LRRC36: variants seen among roughly 807,000 people sequenced by gnomAD.
LRRC36 encodes leucine-rich repeat-containing protein 36.
Under a neutral mutation model 81.1 loss-of-function variants are expected in LRRC36, and 62 were observed. That is an observed-to-expected ratio of 0.76 (90% CI 0.62 to 0.94). The LOEUF is 0.94. Among genes scored for constraint, LRRC36 ranks in the 40% least tolerant of loss-of-function variants. The pLI, the probability that LRRC36 is intolerant of heterozygous loss-of-function variation, is 0.00. For synonymous variants in LRRC36, 334 were observed against 348.6 expected (o/e 0.96, Z 0.47); for missense variants, 761 against 881.7 (o/e 0.86, Z 1.73).
intron 1 of LRRC36, 107 bp from the exon 2 acceptor site, chr16:67,341,850 A>G: frequency 1.4e-6 from 1 of 724,428 alleles, no homozygotes; most frequent in South Asian, 2.8e-5. Flanking sequence ...GCTTGGATGT[A>G]GGGCCTTGCA....
At chr16:67,373,275 G>A (rs1441596309) in intron 9 of LRRC36, among the ~76,000 whole-genome samples, 1 of 151,798 alleles carries the variant, frequency 6.6e-6, no homozygotes, top group Non-Finnish European at 1.5e-5. Flanking sequence ...CTTTTTTTCT[G>A]TTAGACATTA....
At chr16:67,352,462 T>C (rs1483523790) in intron 5 of LRRC36, among the ~76,000 whole-genome samples, 1 of 152,170 alleles carries the variant, frequency 6.6e-6, no homozygotes, top group East Asian at 1.9e-4. Context: ...CTCCACTGTC[T>C]TGGATCCTCC....
Position 67,375,432 on chromosome 16 carries a change from G to A in LRRC36, c.1660+20G>A. ...TTCTCGGTGAGTGAATGCATTCTCT[G>A]TCCTTGGACAGGAGTTGGACTTTTC... On this transcript the variant is annotated intron_variant, in intron 10 of 13. Transcript: ENST00000329956. The A allele has an allele frequency of 1.9e-6, 3 of 1,555,120 alleles. No homozygotes were observed. The highest frequency in any genetic ancestry group is 2.6e-6 in the Non-Finnish European group (3 of 1,159,496).
At chr16:67,339,564 T>C (rs1036435247) in intron 1 of LRRC36, among the ~76,000 whole-genome samples, 2 of 152,236 alleles carry the variant, frequency 1.3e-5, no homozygotes, top group South Asian at 2.1e-4. Context: ...TGTGGCTCTT[T>C]AAGTGCAGTT....
chr16:67,373,489 C>T (rs976927721), intron 9 of LRRC36, among the ~76,000 whole-genome samples: 1 of 150,526 alleles, frequency 6.6e-6, no homozygotes, highest in Admixed American at 6.6e-5. Context: ...GGCAGATCAC[C>T]TGAAGTCAGG....
chr16:67,346,796 G>C (rs1597447444), intron 3 of LRRC36, among the ~76,000 whole-genome samples: 1 of 152,188 alleles, frequency 6.6e-6, no homozygotes, highest in East Asian at 1.9e-4. Flanking sequence ...TTATTTGGGG[G>C]CTTAGTTGGG....
chr16:67,336,895 G>A (rs2037790150), intron 1 of LRRC36, among the ~76,000 whole-genome samples: 1 of 151,832 alleles, frequency 6.6e-6, no homozygotes, highest in African/African-American at 2.4e-5. Context: ...AGCCTACCAA[G>A]TAGCTAGGAC....
At chr16:67,329,734 A>G (rs1209043889) in intron 1 of LRRC36, among the ~76,000 whole-genome samples, 1 of 151,998 alleles carries the variant, frequency 6.6e-6, no homozygotes, top group African/African-American at 2.4e-5. Flanking sequence ...CCAGGCCAAC[A>G]TGGTGAAACC....
At chr16:67,360,056 C>T (rs530382064) in intron 5 of LRRC36, among the ~76,000 whole-genome samples, 6 of 150,522 alleles carry the variant, frequency 4.0e-5, no homozygotes, top group Non-Finnish European at 7.4e-5. Flanking sequence ...AGCCGGGAGG[C>T]GGAGGTTGCA....
chr16:67,360,566 C>T (rs761046974), intron 5 of LRRC36, among the ~76,000 whole-genome samples: 38 of 152,216 alleles, frequency 2.5e-4, no homozygotes, highest in Non-Finnish European at 5.6e-4. Flanking sequence ...TTCTGTAGTA[C>T]TACTGCAGTG....
At chr16:67,370,898 A>G (rs780799094) in intron 8 of LRRC36, 46 bp from the exon 9 acceptor site, 8 of 1,532,028 alleles carry the variant, frequency 5.2e-6, no homozygotes, top group Middle Eastern at 1.7e-4. Flanking sequence ...GTGAGACATG[A>G]GGCAGTCAGA....
In LRRC36 at chr16:67,336,229, TC is replaced by T. The variant is rs544500470; in HGVS notation, c.71-5726del. On this transcript the variant is annotated intron_variant, in intron 1 of 13. Transcript: ENST00000329956. Reference sequence around the variant, plus strand: ...CTGTGGATGTACCATTGTTTGCTTATCCATTTACCTATTGAAGGACATCTTG... The same window carrying T: ...CTGTGGATGTACCATTGTTTGCTTATCATTTACCTATTGAAGGACATCTTG... 2.6e-3 allele frequency among the ~76,000 whole-genome samples: 391 copies of T among 152,366 alleles called. 6 individuals are homozygous for T. Among genetic ancestry groups the T allele is most frequent in the African/African-American group, 9.1e-3 (379 of 41,586 alleles).
intron 9 of LRRC36, chr16:67,371,632 G>T: frequency 3.6e-6 from 1 of 277,968 alleles, no homozygotes. Context: ...AGCACTTTGG[G>T]AGGCTGAGTG....
intron 7 of LRRC36, 28 bp downstream of exon 7, chr16:67,365,383 T>C (rs994639879): frequency 3.1e-6 from 5 of 1,594,126 alleles, no homozygotes; most frequent in South Asian, 2.2e-5. Flanking sequence ...TGAGTATTTT[T>C]CCCCCACACT....
intron 1 of LRRC36, among the ~76,000 whole-genome samples, chr16:67,331,988 CAA>C (rs909058321): frequency 1.5e-5 from 2 of 129,098 alleles, no homozygotes. Flanking sequence ...AACTCCATCT[CAA>C]AAAAAAAAAG....
intron 9 of LRRC36, among the ~76,000 whole-genome samples, chr16:67,373,971 C>A (rs370109864): frequency 6.6e-6 from 1 of 151,940 alleles, no homozygotes; most frequent in Non-Finnish European, 1.5e-5. Context: ...TGAGATCATG[C>A]GACTACAGTC....
chr16:67,375,108 C>A, intron 9 of LRRC36, 139 bp from the exon 10 acceptor site: 1 of 870,812 alleles, frequency 1.1e-6, no homozygotes, highest in South Asian at 1.7e-5. Flanking sequence ...GCCTGGGTGA[C>A]AGAGCGAGAC....
chr16:67,328,330 T>G (rs918644164), intron 1 of LRRC36, among the ~76,000 whole-genome samples: 4 of 151,950 alleles, frequency 2.6e-5, no homozygotes, highest in African/African-American at 4.8e-5. Flanking sequence ...GCTAACACAG[T>G]GAAACCCCGT....
chr16:67,345,134 A>G (rs1472180301), intron 2 of LRRC36, among the ~76,000 whole-genome samples: 2 of 151,986 alleles, frequency 1.3e-5, no homozygotes, highest in Non-Finnish European at 2.9e-5. Context: ...CAACATAGTG[A>G]GACATTGTCT....
Sources: allele counts gnomAD v4.1 joint callset (sites outside exome capture counted in the v4.1 genomes callset), GRCh38; gene constraint gnomAD v4.1.1; transcripts MANE v1.5; gene names NCBI Gene and HGNC (gene_info 2026-07-23, HGNC 2026-07-21).